RBMS3: variants seen among roughly 807,000 people sequenced by gnomAD.
RBMS3 encodes RNA binding motif single stranded interacting protein 3.
In RBMS3, 27 loss-of-function variants were observed where a neutral mutation model predicts 66.8. The observed-to-expected ratio is 0.40, with a 90% CI of 0.30 to 0.56. The LOEUF (loss-of-function observed/expected upper bound fraction) is 0.56, where lower values mean the gene tolerates loss of function less well. Among genes scored for constraint, RBMS3 ranks in the 20% least tolerant of loss-of-function variants. The pLI, the probability that RBMS3 is intolerant of heterozygous loss-of-function variation, is 0.40. For missense variants in RBMS3, 513 were observed against 549.5 expected, an observed-to-expected ratio of 0.93 and a Z score of 0.66; for synonymous variants, 188 against 183.0, an observed-to-expected ratio of 1.03 and a Z score of -0.22.
At chr3:29,325,560 G>A (rs1228681748) in intron 1 of RBMS3, among the ~76,000 whole-genome samples, 3 of 150,946 alleles carry the variant, frequency 2.0e-5, no homozygotes, top group African/African-American at 7.3e-5. Flanking sequence ...ATATATGTGT[G>A]TATGTATATA....
intron 4 of RBMS3, among the ~76,000 whole-genome samples, chr3:29,670,611 C>T (rs1199726261): frequency 1.3e-5 from 2 of 152,222 alleles, no homozygotes; most frequent in Non-Finnish European, 2.9e-5. Context: ...ATATCTTGCA[C>T]CTGGCTCAGA....
intron 4 of RBMS3, among the ~76,000 whole-genome samples, chr3:29,702,528 A>G (rs1559586548): frequency 6.6e-6 from 1 of 152,206 alleles, no homozygotes; most frequent in Non-Finnish European, 1.5e-5. Flanking sequence ...TGCTCTTTGC[A>G]ATAAGTCACT....
intron 4 of RBMS3, among the ~76,000 whole-genome samples, chr3:29,733,862 T>A (rs1379768412): frequency 3.3e-5 from 5 of 152,168 alleles, no homozygotes; most frequent in Non-Finnish European, 7.4e-5. Flanking sequence ...AGTCTTCTAG[T>A]AGTTTACAGT....
intron 4 of RBMS3, among the ~76,000 whole-genome samples, chr3:29,665,580 CA>C (rs1249355779): frequency 6.6e-6 from 1 of 152,054 alleles, no homozygotes; most frequent in Non-Finnish European, 1.5e-5. Context: ...TCTTTGCAAA[CA>C]GAATTGATGG....
At chr3:29,365,671 T>C (rs1052135264) in intron 1 of RBMS3, among the ~76,000 whole-genome samples, 1 of 152,194 alleles carries the variant, frequency 6.6e-6, no homozygotes, top group Non-Finnish European at 1.5e-5. Flanking sequence ...TAATTTCTCC[T>C]ATGGATGCAA....
In RBMS3 at chr3:29,482,685, T is replaced by TTTTCTTTC. The variant is rs763917777; in HGVS notation, c.249-5744_249-5737dup. Among the ~76,000 whole-genome samples the TTTTCTTTC allele has an allele frequency of 1.7e-3, 219 of 130,684 alleles. 2 individuals are homozygous for TTTTCTTTC. Among genetic ancestry groups the TTTTCTTTC allele is most frequent in the Middle Eastern group, 3.9e-3 (1 of 256 alleles). 85.7% of individuals were successfully genotyped at this position (130,684 alleles called of 152,430 possible). On this transcript the variant is annotated intron_variant, in intron 2 of 14. Transcript: ENST00000383767. ...CTCTGAAAAAGTACACAGTCTACCA[T>TTTTCTTTC]TTTCTTTCTTTCTTTCTTTTTTTTT...
intron 7 of RBMS3, among the ~76,000 whole-genome samples, chr3:29,875,451 A>G (rs2059591006): frequency 5.3e-5 from 8 of 152,166 alleles, no homozygotes; most frequent in Admixed American, 5.2e-4. Flanking sequence ...CCATTGATTA[A>G]AGATGAAATA....
intron 3 of RBMS3, among the ~76,000 whole-genome samples, chr3:29,501,661 A>T (rs541794861): frequency 6.6e-6 from 1 of 152,158 alleles, no homozygotes; most frequent in Non-Finnish European, 1.5e-5. Flanking sequence ...TTACTTAAAT[A>T]TGGAAGGTAA....
intron 10 of RBMS3, among the ~76,000 whole-genome samples, chr3:29,924,591 A>G (rs1192191022): frequency 1.8e-5 from 1 of 55,348 alleles, no homozygotes; most frequent in African/African-American, 6.1e-5. Flanking sequence ...TAATCCCAGC[A>G]CTTTGGGAGG....
At position 29,884,268 on chromosome 3, in the gene RBMS3, C is replaced by T. The variant is rs1577066363; in HGVS notation, c.791+60C>T. 8 of 1,449,868 alleles carry T rather than the reference C, an allele frequency of 5.5e-6. No homozygotes were observed. The East Asian group carries it at 1.4e-4, about 25-fold the overall frequency. 89.8% of individuals were successfully genotyped at this position (1,449,868 alleles called of 1,614,324 possible). A position where few individuals can be genotyped will look rare whatever the true frequency, so the allele number is the denominator to read the frequency against. Reference sequence around the variant, plus strand: ...AATAGATCTTTGAGCTCTGAATCAACATCAAAGAAAAATGTTAAAATTTGT... The same window carrying T: ...AATAGATCTTTGAGCTCTGAATCAATATCAAAGAAAAATGTTAAAATTTGT... On this transcript the variant is annotated intron_variant, in intron 8 of 14. Transcript: ENST00000383767.
At chr3:29,945,425 G>A (rs960574249) in intron 12 of RBMS3, among the ~76,000 whole-genome samples, 3 of 151,614 alleles carry the variant, frequency 2.0e-5, no homozygotes, top group Non-Finnish European at 4.4e-5. Flanking sequence ...GCATTTGGCC[G>A]CGAAGTCATT....
At chr3:29,388,397 C>G (rs1290970508) in intron 1 of RBMS3, among the ~76,000 whole-genome samples, 1 of 152,180 alleles carries the variant, frequency 6.6e-6, no homozygotes, top group Admixed American at 6.5e-5. Context: ...GAATAACTCA[C>G]TGAATAAAGG....
At chr3:29,634,345 G>A (rs985891901) in intron 4 of RBMS3, among the ~76,000 whole-genome samples, 1 of 151,826 alleles carries the variant, frequency 6.6e-6, no homozygotes, top group Non-Finnish European at 1.5e-5. Flanking sequence ...TATACACCAA[G>A]TTTACCTTCC....
chr3:29,984,660 T>A (rs990926465), intron 12 of RBMS3, among the ~76,000 whole-genome samples: 1 of 152,154 alleles, frequency 6.6e-6, no homozygotes, highest in Non-Finnish European at 1.5e-5. Flanking sequence ...CTTCTAACAG[T>A]CAAGCCCCTC....
chr3:29,510,480 A>G (rs1014811034), intron 3 of RBMS3, among the ~76,000 whole-genome samples: 1 of 152,126 alleles, frequency 6.6e-6, no homozygotes, highest in East Asian at 1.9e-4. Context: ...TCCCTTTTCT[A>G]TTGCCTATGT....
intron 7 of RBMS3, among the ~76,000 whole-genome samples, chr3:29,870,607 G>A (rs2059467635): frequency 6.6e-6 from 1 of 152,120 alleles, no homozygotes; most frequent in South Asian, 2.1e-4. Flanking sequence ...ACTGTATATA[G>A]AATCTAAGAC....
At chr3:29,991,714 A>C (rs1048629307) in intron 14 of RBMS3, 6 of 152,482 alleles carry the variant, frequency 3.9e-5, no homozygotes, top group African/African-American at 1.4e-4. Context: ...CATTAAAAAA[A>C]AAAGCTACCA....
chr3:29,936,175 T>G lies in RBMS3; in HGVS notation c.1029T>G (p.Leu343=), dbSNP rs1181210867. The change falls in exon 11 of 15, where the codon CTT becomes CTG. Residue 343 remains leucine (L), a synonymous_variant. Coordinates refer to ENST00000383767, the MANE Select transcript of RBMS3 (RefSeq NM_001003793.3). The part of the protein sequence containing the change: ...MGPLTQQMNH[L]SLGTTGTIQS... ...CACTGACACAGCAGATGAATCACCT[T>G]TCGTTGGGCACAACAGGAACGGTGA... 3.1e-6 allele frequency: 5 copies of G among 1,612,924 alleles called. No individual in the cohort carries two copies. Among genetic ancestry groups the G allele is most frequent in the Non-Finnish European group, 4.2e-6 (5 of 1,179,428 alleles).
At chr3:29,981,927 T>C (rs1468126789) in intron 12 of RBMS3, among the ~76,000 whole-genome samples, 1 of 152,228 alleles carries the variant, frequency 6.6e-6, no homozygotes, top group Non-Finnish European at 1.5e-5. Context: ...ATCGGGGTGA[T>C]GCCGGCCTCA....
Sources: allele counts gnomAD v4.1 joint callset (sites outside exome capture counted in the v4.1 genomes callset), GRCh38; gene constraint gnomAD v4.1.1; transcripts MANE v1.5; gene names NCBI Gene and HGNC (gene_info 2026-07-23, HGNC 2026-07-21).